Variants in ACSL3 observed in about 807,000 individuals in gnomAD.
ACSL3 encodes fatty acid CoA ligase Acsl3.
Under a neutral mutation model 84.7 loss-of-function variants are expected in ACSL3, and 34 were observed. That is an observed-to-expected ratio of 0.40 (90% CI 0.31 to 0.53). The LOEUF is 0.53. ACSL3 is among the 20% of genes least tolerant of loss of function. The pLI, the probability that ACSL3 is intolerant of heterozygous loss-of-function variation, is 0.48. For synonymous variants in ACSL3, 315 were observed against 299.4 expected (o/e 1.05, Z -0.54); for missense variants, 680 against 873.1 (o/e 0.78, Z 2.79).
At chr2:222,866,397 G>A (rs903792308) in intron 1 of ACSL3, among the ~76,000 whole-genome samples, 6 of 152,022 alleles carry the variant, frequency 3.9e-5, no homozygotes, top group Non-Finnish European at 7.4e-5. Flanking sequence ...CGCCCGCCTC[G>A]CCCTCCCAAA....
In ACSL3 at chr2:222,875,005, G is replaced by A. The variant is rs185633576; in HGVS notation, c.-206-12825G>A. 1.7e-4 allele frequency among the ~76,000 whole-genome samples: 26 copies of A among 152,068 alleles called. No individual in the cohort carries two copies. In the East Asian group the frequency reaches 4.6e-3, roughly 27 times the overall value. On this transcript the variant is annotated intron_variant, in intron 1 of 16. Transcript: ENST00000357430. ...TGAAGAATTAAAAATCTTCATTTAT[G>A]TGAAAATTTGAATGGAGAGGTGAAG...
At chr2:222,933,723 G>C (rs1342355521) in intron 15 of ACSL3, 1 of 152,906 alleles carries the variant, frequency 6.5e-6, no homozygotes, top group Non-Finnish European at 1.5e-5. Context: ...TGTAAGCTGT[G>C]TTAAGCTGCA....
chr2:222,915,483 G>T (rs1457816495), intron 4 of ACSL3, among the ~76,000 whole-genome samples: 2 of 152,076 alleles, frequency 1.3e-5, no homozygotes, highest in Admixed American at 1.3e-4. Flanking sequence ...CCATGTTTGG[G>T]AATTAATTAC....
At chr2:222,900,963 G>A (rs1696131097) in intron 3 of ACSL3, among the ~76,000 whole-genome samples, 183 bp downstream of exon 3, 1 of 152,066 alleles carries the variant, frequency 6.6e-6, no homozygotes. Context: ...TGCTCTTCTG[G>A]TTTATTTTTT....
At chr2:222,916,051 C>T (rs1696572932) in intron 4 of ACSL3, among the ~76,000 whole-genome samples, 1 of 152,074 alleles carries the variant, frequency 6.6e-6, no homozygotes, top group Non-Finnish European at 1.5e-5. Context: ...ACGAGCCTAT[C>T]AAACTCTCAA....
intron 1 of ACSL3, among the ~76,000 whole-genome samples, chr2:222,866,024 G>C (rs1259504183): frequency 6.6e-6 from 1 of 152,104 alleles, no homozygotes; most frequent in East Asian, 1.9e-4. Context: ...ATATTATTTG[G>C]ATACAAAGCC....
chr2:222,903,640 AT>A (rs1029005523), intron 3 of ACSL3, among the ~76,000 whole-genome samples: 38 of 152,278 alleles, frequency 2.5e-4, no homozygotes, highest in African/African-American at 8.2e-4. Flanking sequence ...AATTTATAAA[AT>A]TTTTTTCTGT....
In ACSL3 at chr2:222,922,835, AG is replaced by A; in HGVS notation, c.1080+5del. ...ACCACAGACTTTAGCAGATCAGGTA[AG>A]TTCAGTGTCTGTGACTTGAAATACT... On this transcript the variant is annotated splice_donor_5th_base_variant and intron_variant, in intron 9 of 16. Transcript: ENST00000357430. 6.2e-7 allele frequency: 1 copy of A among 1,613,750 alleles called. No individual in the cohort carries two copies. Among genetic ancestry groups the A allele is most frequent in the Non-Finnish European group, 8.5e-7 (1 of 1,179,912 alleles).
intron 1 of ACSL3, among the ~76,000 whole-genome samples, chr2:222,882,741 TG>T (rs1374147435): frequency 1.3e-5 from 2 of 148,588 alleles, no homozygotes; most frequent in African/African-American, 5.0e-5. Context: ...CTGATTTGTC[TG>T]GAATACCTCC....
At chr2:222,870,845 T>G (rs1333767561) in intron 1 of ACSL3, among the ~76,000 whole-genome samples, 1 of 152,214 alleles carries the variant, frequency 6.6e-6, no homozygotes, top group Admixed American at 6.5e-5. Context: ...GAATTGTTTT[T>G]TATTCCTTCT....
intron 1 of ACSL3, among the ~76,000 whole-genome samples, chr2:222,872,318 G>A (rs952888838): frequency 2.6e-5 from 4 of 151,948 alleles, no homozygotes; most frequent in Non-Finnish European, 5.9e-5. Context: ...TAGAGACAGG[G>A]TTTTACCATG....
chr2:222,872,575 T>G (rs1277185794), intron 1 of ACSL3, among the ~76,000 whole-genome samples: 7 of 152,152 alleles, frequency 4.6e-5, no homozygotes, highest in Non-Finnish European at 1.0e-4. Flanking sequence ...GATAGAATGA[T>G]GAATAAGACA....
At chr2:222,939,422 C>T (rs1697249015) in intron 16 of ACSL3, among the ~76,000 whole-genome samples, 1 of 152,166 alleles carries the variant, frequency 6.6e-6, no homozygotes, top group Non-Finnish European at 1.5e-5. Context: ...ATTGTGGCCT[C>T]ACTGGTGCTG....
At chr2:222,931,754 C>G (rs928700355) in intron 14 of ACSL3, among the ~76,000 whole-genome samples, 3 of 152,176 alleles carry the variant, frequency 2.0e-5, no homozygotes, top group African/African-American at 2.4e-5. Flanking sequence ...TCAGGGTGCC[C>G]CTGTTAACAT....
In ACSL3 at chr2:222,905,244, C is replaced by T. The variant is rs144510532; in HGVS notation, c.-40-3489C>T. Among the ~76,000 whole-genome samples, 111 of 152,278 alleles carry T rather than the reference C, an allele frequency of 7.3e-4. No homozygotes were observed. The East Asian group carries it at 0.02, about 28-fold the overall frequency. On this transcript the variant is annotated intron_variant, in intron 3 of 16. Transcript: ENST00000357430. ...GCAGGATCACAGCTCATTGCAGCCTCGATCTCCCTAGGCTGAGGTGATCCT... is the reference window on the plus strand; with the variant it reads ...GCAGGATCACAGCTCATTGCAGCCTTGATCTCCCTAGGCTGAGGTGATCCT...
intron 1 of ACSL3, among the ~76,000 whole-genome samples, chr2:222,870,284 C>T (rs1169466427): frequency 6.6e-6 from 1 of 152,002 alleles, no homozygotes; most frequent in Non-Finnish European, 1.5e-5. Flanking sequence ...TGTGCATTTC[C>T]CCATGTATTC....
chr2:222,888,205 T>C (rs192211857), intron 2 of ACSL3, among the ~76,000 whole-genome samples: 2 of 152,332 alleles, frequency 1.3e-5, no homozygotes, highest in Admixed American at 6.5e-5. Flanking sequence ...GTGATGGTCA[T>C]TTAAAATTTG....
intron 1 of ACSL3, among the ~76,000 whole-genome samples, chr2:222,883,629 G>A (rs1444376419): frequency 1.3e-5 from 2 of 152,068 alleles, no homozygotes; most frequent in Non-Finnish European, 2.9e-5. Flanking sequence ...TATCAGCTCT[G>A]GGATATTATA....
At position 222,919,092 on chromosome 2, in the gene ACSL3, G is replaced by A. The variant is rs376738660; in HGVS notation, c.695G>A (p.Arg232Gln). 15 of 1,613,830 alleles carry A rather than the reference G, an allele frequency of 9.3e-6. No homozygotes were observed. The highest frequency in any genetic ancestry group is 1.7e-5 in the Admixed American group (1 of 59,980). ...KDIVSLVPRL[R>Q]HIITVDGKPP... ...ATAGTTTCTTTGGTCCCACGCCTGCGGCACATCATCACTGTTGATGGAAAG... is the reference window on the plus strand; with the variant it reads ...ATAGTTTCTTTGGTCCCACGCCTGCAGCACATCATCACTGTTGATGGAAAG... The change falls in exon 7 of 17, where the codon CGG becomes CAG. Residue 232 changes from arginine to glutamine, a missense_variant. Physicochemically the swap from Arg to Gln is conservative, Grantham distance 43. Around this residue, in one of 2 missense-constraint regions of ACSL3, gnomAD observed 333 missense variants for 347.5 expected, o/e 0.96. Transcript: ENST00000357430.
Sources: gnomAD v4.1 joint callset for allele counts (sites outside exome capture counted in the v4.1 genomes callset) on GRCh38, gnomAD v4.1.1 for gene constraint, gnomAD v4.1.1 regional missense constraint, MANE v1.5 for transcripts, NCBI Gene and HGNC (gene_info 2026-07-23, HGNC 2026-07-21) for gene names.